Variants in DYNC2LI1 observed in about 807,000 individuals in gnomAD.
DYNC2LI1 encodes the protein dynein cytoplasmic 2 light intermediate chain 1.
DYNC2LI1 carries 45 observed loss-of-function variants against 51.9 expected under a neutral mutation model. That is an observed-to-expected ratio of 0.87 (90% CI 0.68 to 1.11). The LOEUF is 1.11. Among genes scored for constraint, DYNC2LI1 ranks in the 50% most tolerant of loss-of-function variants. The pLI is 0.00. For synonymous variants in DYNC2LI1, 130 were observed against 137.8 expected, an observed-to-expected ratio of 0.94 and a Z score of 0.40; for missense variants, 490 against 417.4, an observed-to-expected ratio of 1.17 and a Z score of -1.51.
At chr2:43,792,339 TTAAA>T (rs1673828234) in intron 5 of DYNC2LI1, among the ~76,000 whole-genome samples, 1 of 152,144 alleles carries the variant, frequency 6.6e-6, no homozygotes, top group African/African-American at 2.4e-5. Context: ...AACAAAATAA[TTAAA>T]TAACATATTA....
intron 2 of DYNC2LI1, among the ~76,000 whole-genome samples, chr2:43,783,310 C>T (rs1366292233): frequency 6.6e-6 from 1 of 152,124 alleles, no homozygotes. Flanking sequence ...ATAATAATAG[C>T]AGTGTAGTTA....
chr2:43,818,815 A>G, the DYNC2LI1 span, among the ~76,000 whole-genome samples: 15 of 152,292 alleles, frequency 9.8e-5, 1 homozygote, highest in Admixed American at 9.8e-4. Flanking sequence ...GTGTTTTCAT[A>G]TTGATTATTT....
chr2:43,792,787 A>G (rs1327743741), intron 5 of DYNC2LI1: 9 of 1,537,942 alleles, frequency 5.9e-6, no homozygotes, highest in South Asian at 1.2e-5. Flanking sequence ...TTCATTTAGC[A>G]TAACGTCTTC....
chr2:43,819,446 T>C, the DYNC2LI1 span, among the ~76,000 whole-genome samples: 32,825 of 151,738 alleles, frequency 0.22, 5,179 homozygotes, highest in African/African-American at 0.43. Context: ...CCTTTAAGCC[T>C]TGATACTCTT....
Position 43,796,677 on chromosome 2 carries a change from A to G in DYNC2LI1, c.577-41A>G, listed in dbSNP as rs75554991. 7,514 of 1,406,464 alleles carry G rather than the reference A, an allele frequency of 5.3e-3. 236 individuals are homozygous for G. The African/African-American group carries it at 0.072, about 14-fold the overall frequency. 87.1% of individuals were successfully genotyped at this position (1,406,464 alleles called of 1,614,324 possible). ...TAATTTGAATCTTCCTGCTATAGAT[A>G]TTTGGTTATCTTGACTTTTTAAAAT... On this transcript the variant is annotated intron_variant, in intron 7 of 12. Coordinates refer to ENST00000260605, the MANE Select transcript of DYNC2LI1 (RefSeq NM_016008.4).
intron 10 of DYNC2LI1, 121 bp downstream of exon 10, chr2:43,801,830 T>C: frequency 1.5e-6 from 1 of 675,178 alleles, no homozygotes; most frequent in Non-Finnish European, 2.5e-6. Flanking sequence ...TTGCTGTTAT[T>C]TCCTGTGTGT....
chr2:43,827,965 G>C, the DYNC2LI1 span: 12 of 1,613,672 alleles, frequency 7.4e-6, no homozygotes, highest in East Asian at 2.7e-4. Context: ...GCTAGTAACA[G>C]TTCTGGGTGC....
At chr2:43,824,965 C>G in the DYNC2LI1 span, 1 of 1,613,948 alleles carries the variant, frequency 6.2e-7, no homozygotes, top group Admixed American at 1.7e-5. Context: ...TTTCCGCTGG[C>G]GTGCCACAGA....
At chr2:43,817,857 C>A in the DYNC2LI1 span, among the ~76,000 whole-genome samples, 2 of 152,010 alleles carry the variant, frequency 1.3e-5, no homozygotes, top group South Asian at 4.1e-4. Flanking sequence ...TTACAGTGAG[C>A]CGAGATCGCG....
the DYNC2LI1 span, among the ~76,000 whole-genome samples, chr2:43,822,332 A>C: frequency 6.6e-6 from 1 of 151,732 alleles, no homozygotes; most frequent in Non-Finnish European, 1.5e-5. Flanking sequence ...CTCCTTCCTC[A>C]TCCTCTCTGA....
At chr2:43,816,039 A>T in the DYNC2LI1 span, among the ~76,000 whole-genome samples, 1 of 152,140 alleles carries the variant, frequency 6.6e-6, no homozygotes, top group African/African-American at 2.4e-5. Flanking sequence ...CTGAGGTAGG[A>T]ACTGTGAACC....
At chr2:43,816,099 C>T in the DYNC2LI1 span, among the ~76,000 whole-genome samples, 8 of 152,118 alleles carry the variant, frequency 5.3e-5, no homozygotes, top group African/African-American at 1.9e-4. Flanking sequence ...GTTCCACATG[C>T]ACCTATGGTT....
chr2:43,787,329 C>G, intron 4 of DYNC2LI1, 79 bp downstream of exon 4: 1 of 1,212,464 alleles, frequency 8.2e-7, no homozygotes, highest in Non-Finnish European at 1.2e-6. Context: ...CATTTTCCAT[C>G]TCATCTGTAA....
intron 3 of DYNC2LI1, among the ~76,000 whole-genome samples, chr2:43,785,034 A>G (rs1308738137): frequency 6.6e-6 from 1 of 152,194 alleles, no homozygotes; most frequent in East Asian, 1.9e-4. Flanking sequence ...GCAGTGGCTC[A>G]TGCCTGTAAT....
chr2:43,826,494 G>A, the DYNC2LI1 span: 1 of 1,614,204 alleles, frequency 6.2e-7, no homozygotes, highest in Non-Finnish European at 8.5e-7. Flanking sequence ...GTCCAGGCCT[G>A]TGGTTGGCTC....
chr2:43,808,731 T>G (rs1186588122), intron 12 of DYNC2LI1, among the ~76,000 whole-genome samples: 1 of 152,174 alleles, frequency 6.6e-6, no homozygotes, highest in Non-Finnish European at 1.5e-5. Context: ...CTGTGTGCTT[T>G]TTTCATGTGG....
chr2:43,813,898 T>C (rs917948652), downstream of DYNC2LI1, among the ~76,000 whole-genome samples: 1 of 151,872 alleles, frequency 6.6e-6, no homozygotes, highest in Admixed American at 6.6e-5. Context: ...TTTGTATTTT[T>C]AGTAGAGACA....
At position 43,787,307 on chromosome 2, in the gene DYNC2LI1, G is replaced by A. The variant is rs560066590; in HGVS notation, c.231+57G>A. On this transcript the variant is annotated intron_variant, in intron 4 of 12. Coordinates refer to ENST00000260605, the MANE Select transcript of DYNC2LI1 (RefSeq NM_016008.4). ...CCATAGATGGGAAAGTAATGCTGCT[G>A]ACTTTGTTTTACATTTTCCATCTCA... 2.3e-5 allele frequency: 33 copies of A among 1,411,268 alleles called. No individual in the cohort carries two copies. In the African/African-American group the frequency reaches 4.4e-4, roughly 19 times the overall value. 87.4% of individuals were successfully genotyped at this position (1,411,268 alleles called of 1,614,324 possible). A position where few individuals can be genotyped will look rare whatever the true frequency, so the allele number is the denominator to read the frequency against.
chr2:43,809,888 A>G lies in DYNC2LI1; in HGVS notation c.*121A>G. The G allele has an allele frequency of 7.0e-7, 1 of 1,435,796 alleles. No individual in the cohort carries two copies. The highest frequency in any genetic ancestry group is 1.4e-5 in the African/African-American group (1 of 68,976). 88.9% of individuals were successfully genotyped at this position (1,435,796 alleles called of 1,614,324 possible). On this transcript the variant is annotated 3_prime_UTR_variant, in exon 13 of 13. Coordinates refer to ENST00000260605, the MANE Select transcript of DYNC2LI1 (RefSeq NM_016008.4). ...AAACTGTATAATTTGTTAAAGGACA[A>G]GCTGGATTTCTTGGACTAGTGCATC...
Sources: allele counts gnomAD v4.1 joint callset (sites outside exome capture counted in the v4.1 genomes callset), GRCh38; gene constraint gnomAD v4.1.1; transcripts MANE v1.5; gene names NCBI Gene and HGNC (gene_info 2026-07-23, HGNC 2026-07-21).